CORIN: variants seen among roughly 807,000 people sequenced by gnomAD.
CORIN encodes the protein atrial natriuretic peptide-converting enzyme.
In CORIN, 117 loss-of-function variants were observed where a neutral mutation model predicts 125.3. That is an observed-to-expected ratio of 0.93 (90% CI 0.80 to 1.09). The LOEUF (loss-of-function observed/expected upper bound fraction) is 1.09. Ranked by LOEUF, CORIN falls within the 50% of genes least tolerant of loss-of-function variation. CORIN has a pLI of 0.00. For synonymous variants in CORIN, 450 were observed against 466.4 expected (o/e 0.96, Z 0.45); for missense variants, 1,253 against 1,306.7 (o/e 0.96, Z 0.63).
chr4:47,787,217 C>CA, intron 2 of CORIN, among the ~76,000 whole-genome samples: 1 of 152,202 alleles, frequency 6.6e-6, no homozygotes, highest in African/African-American at 2.4e-5. Flanking sequence ...CCTGGTGCTT[C>CA]AAAAATGTAG....
intron 3 of CORIN, among the ~76,000 whole-genome samples, chr4:47,774,985 G>A (rs912881559): frequency 6.6e-5 from 10 of 152,048 alleles, no homozygotes; most frequent in African/African-American, 2.4e-4. Context: ...CTAACCAATG[G>A]GTATAGAGTT....
chr4:47,623,687 A>T lies in CORIN; in HGVS notation c.2424T>A (p.Ser808Arg). The T allele has an allele frequency of 6.2e-7, 1 of 1,614,102 alleles. No homozygotes were observed. The highest frequency in any genetic ancestry group is 8.5e-7 in the Non-Finnish European group (1 of 1,179,998). ...ACTGCCATGGCCACCTTCCAGGGCG[A>T]CTCGTCCGACCTCCAAGGATCCTTT... ...MNKRILGGRTSRPGRWPWQCS... is the reference protein window; with the variant it reads ...MNKRILGGRTRRPGRWPWQCS... The change falls in exon 19 of 22, where the codon AGT becomes AGA. Residue 808 changes from serine to arginine, a missense_variant. Transcript: ENST00000273857.
intron 4 of CORIN, among the ~76,000 whole-genome samples, chr4:47,753,071 T>C (rs919263396): frequency 1.3e-5 from 2 of 152,096 alleles, no homozygotes; most frequent in African/African-American, 4.8e-5. Context: ...TTGGCCAGTC[T>C]AAGAAATAAA....
chr4:47,746,188 G>C (rs1728655725), intron 4 of CORIN, among the ~76,000 whole-genome samples: 1 of 152,184 alleles, frequency 6.6e-6, no homozygotes, highest in African/African-American at 2.4e-5. Context: ...AGAGAAGTTA[G>C]CGAATATACT....
intron 5 of CORIN, among the ~76,000 whole-genome samples, chr4:47,743,296 A>G (rs1728500357): frequency 6.6e-6 from 1 of 152,226 alleles, no homozygotes; most frequent in African/African-American, 2.4e-5. Context: ...AAGGCAAGCC[A>G]TAGGGCATGA....
intron 11 of CORIN, among the ~76,000 whole-genome samples, chr4:47,662,430 T>G (rs1724291756): frequency 6.6e-6 from 1 of 152,164 alleles, no homozygotes; most frequent in Non-Finnish European, 1.5e-5. Flanking sequence ...GTTAAAATGT[T>G]TGGTTTTTGT....
intron 4 of CORIN, among the ~76,000 whole-genome samples, chr4:47,757,752 C>A (rs191195365): frequency 1.3e-5 from 2 of 150,498 alleles, no homozygotes; most frequent in Non-Finnish European, 3.0e-5. Context: ...GGAAATTGTA[C>A]CTAAAAGTGC....
Position 47,717,518 on chromosome 4 carries a change from G to C in CORIN, c.800-24435C>G, listed in dbSNP as rs575263271. On this transcript the variant is annotated intron_variant, in intron 5 of 21. Transcript: ENST00000273857. Reference sequence around the variant, plus strand: ...CCTTTTTCTTACACTTCCAACACTGGCTCAGACCACATTCAACAGTGACTT... The same window carrying C: ...CCTTTTTCTTACACTTCCAACACTGCCTCAGACCACATTCAACAGTGACTT... Among the ~76,000 whole-genome samples the C allele has an allele frequency of 3.3e-5, 5 of 152,130 alleles. No individual in the cohort carries two copies. The East Asian group carries it at 9.6e-4, about 29-fold the overall frequency.
intron 16 of CORIN, among the ~76,000 whole-genome samples, chr4:47,641,019 T>C (rs1473480880): frequency 6.6e-6 from 1 of 152,310 alleles, no homozygotes; most frequent in South Asian, 2.1e-4. Flanking sequence ...CATTAGTTAT[T>C]CAATTCCTAA....
rs541152132 is a variant in CORIN, at chr4:47,630,803, A to C, written c.2199-4282T>G. ...ATCAGAATCACCTGGAGGACCTGTT[A>C]CAACACAGATTTGTTGGCCTCATCC... On this transcript the variant is annotated intron_variant, in intron 16 of 21. Transcript: ENST00000273857. 2.6e-5 allele frequency among the ~76,000 whole-genome samples: 4 copies of C among 152,314 alleles called. No homozygotes were observed. The South Asian group carries it at 8.3e-4, about 32-fold the overall frequency.
chr4:47,747,337 T>C (rs763334306), intron 4 of CORIN, among the ~76,000 whole-genome samples: 1 of 152,006 alleles, frequency 6.6e-6, no homozygotes, highest in Non-Finnish European at 1.5e-5. Flanking sequence ...ACTGGGGCAA[T>C]GGAATCTCTA....
intron 5 of CORIN, among the ~76,000 whole-genome samples, chr4:47,708,560 T>TC (rs1726684493): frequency 6.6e-6 from 1 of 152,140 alleles, no homozygotes; most frequent in Admixed American, 6.5e-5. Flanking sequence ...ATGGACATCT[T>TC]TGGGGGGGTC....
intron 5 of CORIN, among the ~76,000 whole-genome samples, chr4:47,702,081 T>C (rs1175427519): frequency 6.6e-6 from 1 of 152,216 alleles, no homozygotes; most frequent in Non-Finnish European, 1.5e-5. Context: ...GGTGCTACCT[T>C]CCGAATTTGT....
At chr4:47,691,975 T>C (rs1427718953) in intron 6 of CORIN, among the ~76,000 whole-genome samples, 1 of 152,104 alleles carries the variant, frequency 6.6e-6, no homozygotes, top group Non-Finnish European at 1.5e-5. Context: ...GCAATTCCCA[T>C]GAGGAGTGAA....
chr4:47,701,353 T>C (rs1726285145), intron 5 of CORIN, among the ~76,000 whole-genome samples: 1 of 152,258 alleles, frequency 6.6e-6, no homozygotes, highest in Admixed American at 6.5e-5. Context: ...GGTTCATTTT[T>C]TTCCTTTGAA....
chr4:47,609,396 T>G (rs768455224), intron 19 of CORIN, among the ~76,000 whole-genome samples: 23 of 152,086 alleles, frequency 1.5e-4, no homozygotes, highest in Non-Finnish European at 3.2e-4. Context: ...CCCGCCACCA[T>G]GCCTGGCTAA....
At chr4:47,714,556 T>C (rs968963530) in intron 5 of CORIN, among the ~76,000 whole-genome samples, 4 of 152,228 alleles carry the variant, frequency 2.6e-5, no homozygotes, top group Admixed American at 2.0e-4. Context: ...AGAGTTAACC[T>C]AGAACAGAGA....
Position 47,659,367 on chromosome 4 carries a change from T to C in CORIN, c.1735+2344A>G, listed in dbSNP as rs555382062. ...AGTACCAATTTTCTGTGTCAGGCTG[T>C]TCTTGTGTTGCTATAAAGAAATATC... On this transcript the variant is annotated intron_variant, in intron 12 of 21. Coordinates refer to ENST00000273857, the MANE Select transcript of CORIN (RefSeq NM_006587.4). 8.5e-5 allele frequency among the ~76,000 whole-genome samples: 13 copies of C among 152,336 alleles called. No individual in the cohort carries two copies. The South Asian group carries it at 1.5e-3, about 17-fold the overall frequency.
At chr4:47,699,181 C>A (rs1375876197) in intron 5 of CORIN, among the ~76,000 whole-genome samples, 1 of 152,102 alleles carries the variant, frequency 6.6e-6, no homozygotes, top group Non-Finnish European at 1.5e-5. Flanking sequence ...TTCAAACTTT[C>A]TTTTGAAAAC....
Sources: allele counts gnomAD v4.1 joint callset (sites outside exome capture counted in the v4.1 genomes callset), GRCh38; gene constraint gnomAD v4.1.1; transcripts MANE v1.5; gene names NCBI Gene and HGNC (gene_info 2026-07-23, HGNC 2026-07-21).